Variants in WDR82 observed in about 807,000 individuals in gnomAD.
The protein encoded by WDR82 is WD repeat domain 82.
In WDR82, 8 loss-of-function variants were observed where a neutral mutation model predicts 36.1. The ratio of observed to expected loss-of-function variants is 0.22; its 90% CI spans 0.13 to 0.40. WDR82 has a LOEUF of 0.40. Ranked by LOEUF, WDR82 falls within the 10% of genes least tolerant of loss-of-function variation. WDR82 has a pLI of 1.00. For missense variants in WDR82, 185 were observed against 400.5 expected (o/e 0.46, Z 4.59); for synonymous variants, 129 against 137.8 (o/e 0.94, Z 0.45).
chr3:52,276,536 GCTATAACAACCTT>G (rs1471342289), intron 1 of WDR82, among the ~76,000 whole-genome samples: 1 of 152,084 alleles, frequency 6.6e-6, no homozygotes, highest in Non-Finnish European at 1.5e-5. Flanking sequence ...GCAAAGAAAT[GCTATAACAACCTT>G]CATTTCCTTT....
At chr3:52,264,531 A>G (rs748978811) in intron 3 of WDR82, among the ~76,000 whole-genome samples, 8 of 152,158 alleles carry the variant, frequency 5.3e-5, no homozygotes, top group Non-Finnish European at 1.2e-4. Context: ...TTCAACAGTG[A>G]ACATGTGTGA....
chr3:52,265,334 A>AAAAAAAAAAAG (rs1700096632), intron 3 of WDR82, among the ~76,000 whole-genome samples: 1 of 139,010 alleles, frequency 7.2e-6, no homozygotes. Context: ...AAAAAAAAAA[A>AAAAAAAAAAAG]AGAATCAGGA....
Position 52,278,470 on chromosome 3 carries a change from G to C in WDR82, c.-109C>G. On this transcript the variant is annotated 5_prime_UTR_variant, in exon 1 of 9. Coordinates refer to ENST00000296490, the MANE Select transcript of WDR82 (RefSeq NM_025222.4). The stretch of plus-strand genomic sequence containing the variant: ...AGGCGGGGCGGGCGCCGCGCCGGCG[G>C]CTAGCGGGAAGTCGGCCAACAGTTG... 1 of 1,046,542 alleles carries C rather than the reference G, an allele frequency of 9.6e-7. No individual in the cohort carries two copies. The highest frequency in any genetic ancestry group is 1.7e-5 in the African/African-American group (1 of 59,768). The allele number at this position is 1,046,542 out of a possible 1,614,324, so 64.8% of individuals were successfully genotyped here.
chr3:52,262,219 A>T (rs1156403343), intron 3 of WDR82, among the ~76,000 whole-genome samples: 1 of 152,252 alleles, frequency 6.6e-6, no homozygotes, highest in Non-Finnish European at 1.5e-5. Flanking sequence ...CTATAAAGAC[A>T]GAAGTAGATC....
chr3:52,273,106 T>C (rs929833198), intron 1 of WDR82, among the ~76,000 whole-genome samples: 1 of 152,220 alleles, frequency 6.6e-6, no homozygotes, highest in Admixed American at 6.5e-5. Context: ...AAGAAGTTTA[T>C]ATCAGTTATT....
rs576583221 is a variant in WDR82 at position 52,259,174 on chromosome 3, A to G, written c.769+23T>C. The G allele has an allele frequency of 3.7e-6, 6 of 1,605,440 alleles. No individual in the cohort carries two copies. The Admixed American group carries it at 1.0e-4, about 27-fold the overall frequency. On this transcript the variant is annotated intron_variant, in intron 7 of 8. Coordinates refer to ENST00000296490, the MANE Select transcript of WDR82 (RefSeq NM_025222.4). ...GCATAGTACCAGAGAAATAACCCCC[A>G]CAGGGGATAAAAGGAAACTCACCAA...
rs1700067233 is a variant in WDR82 at position 52,262,131 on chromosome 3, T to C, written c.327-652A>G. Among the ~76,000 whole-genome samples, 4 of 152,192 alleles carry C rather than the reference T, an allele frequency of 2.6e-5. No homozygotes were observed. The South Asian group carries it at 8.3e-4, about 31-fold the overall frequency. On this transcript the variant is annotated intron_variant, in intron 3 of 8. Transcript: ENST00000296490. ...ACATGGAGGAACCTTGGGAACACCA[T>C]GCTAAGTAAAAGAAGCCAGGCACAA...
At chr3:52,264,603 G>A (rs1456174908) in intron 3 of WDR82, among the ~76,000 whole-genome samples, 1 of 152,112 alleles carries the variant, frequency 6.6e-6, no homozygotes, top group African/African-American at 2.4e-5. Flanking sequence ...AGGAGTGGGT[G>A]ATAGGGTCAA....
intron 7 of WDR82, 45 bp downstream of exon 7, chr3:52,259,152 T>G (rs776574701): frequency 1.3e-6 from 2 of 1,522,754 alleles, no homozygotes; most frequent in Admixed American, 3.7e-5. Context: ...AAGAAATGCA[T>G]AGTACCAGAG....
chr3:52,275,661 A>G, intron 1 of WDR82, among the ~76,000 whole-genome samples: 1 of 152,150 alleles, frequency 6.6e-6, no homozygotes, highest in African/African-American at 2.4e-5. Flanking sequence ...TGAGGCGGGT[A>G]GATCACGAGA....
intron 1 of WDR82, among the ~76,000 whole-genome samples, chr3:52,277,873 A>C (rs565054778): frequency 1.3e-5 from 2 of 152,338 alleles, no homozygotes; most frequent in African/African-American, 4.8e-5. Flanking sequence ...TGAGGAGCTG[A>C]AAACGCTACC....
At position 52,278,618 on chromosome 3, in the gene WDR82, C is replaced by T. The variant is rs1280775427; in HGVS notation, c.-257G>A. 8 of 399,598 alleles carry T rather than the reference C, an allele frequency of 2.0e-5. No homozygotes were observed. Among genetic ancestry groups the T allele is most frequent in the African/African-American group, 4.1e-5 (2 of 48,562 alleles). The allele number at this position is 399,598 out of a possible 1,614,324, so 24.8% of individuals were successfully genotyped here. A position where few individuals can be genotyped will look rare whatever the true frequency, so the allele number is the denominator to read the frequency against. Reference sequence around the variant, plus strand: ...CCGGCGCGTCGCCGGCTCATTGTGTCCGCCATTTTGGGGCGACAGGCAGAA... The same window carrying T: ...CCGGCGCGTCGCCGGCTCATTGTGTTCGCCATTTTGGGGCGACAGGCAGAA... On this transcript the variant is annotated 5_prime_UTR_variant, in exon 1 of 9. Coordinates refer to ENST00000296490, the MANE Select transcript of WDR82 (RefSeq NM_025222.4).
chr3:52,274,960 T>C (rs1362740319), intron 1 of WDR82, among the ~76,000 whole-genome samples: 1 of 151,900 alleles, frequency 6.6e-6, no homozygotes, highest in Admixed American at 6.6e-5. Context: ...CAGTGGCTCA[T>C]GCCTGCAATC....
intron 1 of WDR82, 198 bp downstream of exon 1, chr3:52,278,003 A>G (rs1296120124): frequency 9.2e-6 from 4 of 435,102 alleles, no homozygotes; most frequent in Non-Finnish European, 1.6e-5. Context: ...TAAAATTATG[A>G]CTATCGTTAT....
At chr3:52,273,859 C>T (rs1700176089) in intron 1 of WDR82, among the ~76,000 whole-genome samples, 2 of 152,234 alleles carry the variant, frequency 1.3e-5, no homozygotes, top group East Asian at 1.9e-4. Flanking sequence ...CTGACCCAGG[C>T]GATCCACCCG....
chr3:52,277,377 G>C (rs1050454207), intron 1 of WDR82, among the ~76,000 whole-genome samples: 3 of 151,826 alleles, frequency 2.0e-5, no homozygotes, highest in Non-Finnish European at 2.9e-5. Context: ...AAAGTTTCAT[G>C]ATCAGAATTG....
intron 3 of WDR82, among the ~76,000 whole-genome samples, 193 bp from the exon 4 acceptor site, chr3:52,261,672 A>T (rs1047724899): frequency 2.0e-5 from 3 of 152,176 alleles, no homozygotes; most frequent in South Asian, 4.1e-4. Flanking sequence ...AAAAAAAAAA[A>T]TTTAAAGCTA....
At chr3:52,266,164 T>G (rs1700104254) in intron 3 of WDR82, among the ~76,000 whole-genome samples, 1 of 152,118 alleles carries the variant, frequency 6.6e-6, no homozygotes, top group African/African-American at 2.4e-5. Flanking sequence ...GGACTTTCTT[T>G]TGCATTCTCA....
intron 4 of WDR82, 60 bp downstream of exon 4, chr3:52,261,320 G>A: frequency 2.1e-6 from 3 of 1,416,560 alleles, no homozygotes; most frequent in Non-Finnish European, 3.0e-6. Flanking sequence ...GAGAGGTAGA[G>A]TTCATTACAG....
Sources: allele counts gnomAD v4.1 joint callset (sites outside exome capture counted in the v4.1 genomes callset), GRCh38; gene constraint gnomAD v4.1.1; transcripts MANE v1.5; gene names NCBI Gene and HGNC (gene_info 2026-07-23, HGNC 2026-07-21).